The following MAP7 variants were observed in gnomAD, a reference collection of about 807,000 sequenced individuals.
MAP7 encodes ensconsin.
Under a neutral mutation model 94.8 loss-of-function variants are expected in MAP7, and 52 were observed. That is an observed-to-expected ratio of 0.55 (90% CI 0.44 to 0.69). MAP7 has a LOEUF of 0.69. MAP7 is among the 30% of genes least tolerant of loss of function. The pLI is 0.00. For missense variants in MAP7, 940 were observed against 964.6 expected, an observed-to-expected ratio of 0.97 and a Z score of 0.34; for synonymous variants, 350 against 357.0, an observed-to-expected ratio of 0.98 and a Z score of 0.22.
chr6:136,486,050 G>C (rs1814642694), intron 1 of MAP7, among the ~76,000 whole-genome samples: 1 of 152,044 alleles, frequency 6.6e-6, no homozygotes, highest in Non-Finnish European at 1.5e-5. Flanking sequence ...CAGCCTGCTT[G>C]CTGCTGTATC....
intron 4 of MAP7, among the ~76,000 whole-genome samples, chr6:136,389,149 T>C (rs933242388): frequency 1.3e-5 from 2 of 152,204 alleles, no homozygotes; most frequent in Admixed American, 6.5e-5. Flanking sequence ...AATGGGCTTT[T>C]AAACTTTCTG....
chr6:136,474,656 T>C (rs1184740130), intron 1 of MAP7, among the ~76,000 whole-genome samples: 1 of 152,156 alleles, frequency 6.6e-6, no homozygotes, highest in East Asian at 1.9e-4. Context: ...AATCACACTG[T>C]TTCTCTATAT....
chr6:136,487,460 C>T (rs954616518), intron 1 of MAP7, among the ~76,000 whole-genome samples: 2 of 152,006 alleles, frequency 1.3e-5, no homozygotes, highest in Non-Finnish European at 2.9e-5. Flanking sequence ...CCTGTAATCC[C>T]AGCACTTTGG....
intron 1 of MAP7, among the ~76,000 whole-genome samples, chr6:136,445,576 C>T (rs989811720): frequency 2.0e-5 from 3 of 152,104 alleles, no homozygotes; most frequent in Non-Finnish European, 4.4e-5. Context: ...TAATTTGATT[C>T]CTAGAACCAG....
chr6:136,356,871 C>G, intron 15 of MAP7, 77 bp from the exon 16 acceptor site: 1 of 1,166,384 alleles, frequency 8.6e-7, no homozygotes, highest in Non-Finnish European at 1.3e-6. Flanking sequence ...AGCCAGAATG[C>G]CTTGATTTAT....
At chr6:136,512,425 T>C (rs960242111) in intron 1 of MAP7, among the ~76,000 whole-genome samples, 2 of 152,236 alleles carry the variant, frequency 1.3e-5, no homozygotes, top group African/African-American at 2.4e-5. Context: ...AAAAAATTGT[T>C]GGATGTATTC....
chr6:136,500,436 G>A (rs1039564386), intron 1 of MAP7, among the ~76,000 whole-genome samples: 4 of 152,070 alleles, frequency 2.6e-5, no homozygotes, highest in African/African-American at 9.7e-5. Flanking sequence ...ATCTAAGTGC[G>A]TCTGTACACT....
chr6:136,389,317 G>A (rs1320202562), intron 4 of MAP7, 37 bp downstream of exon 4: 1 of 1,511,806 alleles, frequency 6.6e-7, no homozygotes, highest in Non-Finnish European at 8.8e-7. Flanking sequence ...GTCTGAACTA[G>A]AGGAGCCACT....
At chr6:136,463,842 G>A (rs1806040324) in intron 1 of MAP7, among the ~76,000 whole-genome samples, 1 of 152,212 alleles carries the variant, frequency 6.6e-6, no homozygotes, top group East Asian at 1.9e-4. Flanking sequence ...ACAACATTCT[G>A]TCTTCTTGGT....
At chr6:136,371,176 C>A (rs1774375056) in intron 8 of MAP7, among the ~76,000 whole-genome samples, 1 of 152,168 alleles carries the variant, frequency 6.6e-6, no homozygotes, top group Non-Finnish European at 1.5e-5. Context: ...CATGTGATGA[C>A]AAATCTCTCA....
chr6:136,483,010 C>A (rs971929319), intron 1 of MAP7, among the ~76,000 whole-genome samples: 45 of 149,136 alleles, frequency 3.0e-4, no homozygotes, highest in African/African-American at 1.0e-3. Flanking sequence ...TGATTGAATT[C>A]TTTGTCTGCT....
intron 10 of MAP7, chr6:136,365,224 C>G (rs1275418836): frequency 6.6e-6 from 1 of 152,430 alleles, no homozygotes; most frequent in Non-Finnish European, 1.5e-5. Context: ...TCCATGGAAG[C>G]AAACACTGGA....
At chr6:136,372,446 C>A in intron 8 of MAP7, 55 bp downstream of exon 8, 1 of 1,605,534 alleles carries the variant, frequency 6.2e-7, no homozygotes, top group Non-Finnish European at 8.5e-7. Flanking sequence ...GTACAGTCTG[C>A]ACAGGAACAG....
At chr6:136,386,369 G>A (rs181525316) in intron 5 of MAP7, among the ~76,000 whole-genome samples, 12 of 152,180 alleles carry the variant, frequency 7.9e-5, no homozygotes, top group East Asian at 3.9e-4. Flanking sequence ...TTCACAACCC[G>A]TATTAAAATG....
chr6:136,385,177 A>G (rs528622567), intron 5 of MAP7, among the ~76,000 whole-genome samples: 1 of 152,298 alleles, frequency 6.6e-6, no homozygotes, highest in African/African-American at 2.4e-5. Flanking sequence ...ACTACTATTT[A>G]TAGCACACTG....
chr6:136,411,057 T>C (rs1281930368), intron 3 of MAP7, among the ~76,000 whole-genome samples: 1 of 152,242 alleles, frequency 6.6e-6, no homozygotes, highest in East Asian at 1.9e-4. Context: ...ACAATGACTG[T>C]ACAATCTCTA....
At position 136,366,333 on chromosome 6, in the gene MAP7, C is replaced by T. The variant is rs79603562; in HGVS notation, c.983G>A (p.Arg328Gln). 8.0e-3 allele frequency: 12,926 copies of T among 1,613,522 alleles called. 214 individuals are homozygous for T. Among genetic ancestry groups the T allele is most frequent in the Admixed American group, 0.05 (2,981 of 60,008 alleles). The change falls in exon 9 of 18, where the codon CGA becomes CAA. Residue 328 changes from arginine (R) to glutamine (Q), a missense_variant. By Grantham distance (43) the Arg-to-Gln change is conservative. Coordinates refer to ENST00000354570, the MANE Select transcript of MAP7 (RefSeq NM_003980.6). Reference sequence around the variant, plus strand: ...CCACTTATATTTCACTTACCAAAGTCGGGAGCGAGCTGGTTGTCTTGCTTT... The same window carrying T: ...CCACTTATATTTCACTTACCAAAGTTGGGAGCGAGCTGGTTGTCTTGCTTT... ...NPKARQPARS[R>Q]LWLPSKSLPH... is the part of the protein sequence containing the mutation.
At chr6:136,452,484 C>T (rs1801456141) in intron 1 of MAP7, among the ~76,000 whole-genome samples, 1 of 152,216 alleles carries the variant, frequency 6.6e-6, no homozygotes, top group South Asian at 2.1e-4. Context: ...ATCAACTTCA[C>T]TGCTGTCTTA....
chr6:136,405,140 C>A (rs189839624), intron 3 of MAP7, among the ~76,000 whole-genome samples: 1 of 152,302 alleles, frequency 6.6e-6, no homozygotes, highest in Admixed American at 6.5e-5. Flanking sequence ...CTCCACTTAA[C>A]ATTAAACAAA....
Sources: gnomAD v4.1 joint callset for allele counts (sites outside exome capture counted in the v4.1 genomes callset) on GRCh38, gnomAD v4.1.1 for gene constraint, MANE v1.5 for transcripts, NCBI Gene and HGNC (gene_info 2026-07-23, HGNC 2026-07-21) for gene names.